The following MSH4 variants were observed in gnomAD, a reference collection of about 807,000 sequenced individuals.
MSH4 encodes mutS homolog 4, also known as mutS protein homolog 4.
In MSH4, 106 loss-of-function variants were observed where a neutral mutation model predicts 113.7. The observed-to-expected ratio is 0.93, with a 90% confidence interval of 0.80 to 1.10. The LOEUF (loss-of-function observed/expected upper bound fraction) is 1.10. MSH4 is among the 50% of genes least tolerant of loss of function. MSH4 has a pLI of 0.00. For missense variants in MSH4, 1,061 were observed against 1,093.7 expected, an observed-to-expected ratio of 0.97 and a Z score of 0.42; for synonymous variants, 368 against 380.2, an observed-to-expected ratio of 0.97 and a Z score of 0.37.
rs746066226 is a variant in MSH4 at position 75,880,100 on chromosome 1, A to G, written c.1728A>G (p.Lys576=). 6.3e-7 allele frequency: 1 copy of G among 1,599,396 alleles called. No individual in the cohort carries two copies. Among genetic ancestry groups the G allele is most frequent in the South Asian group, 1.1e-5 (1 of 87,956 alleles). ...GCTTTACATCAGCAGATTTAATTAA[A>G]ATGAATGAAAGATGCCAAGAATCTT... is the stretch of plus-strand genomic sequence containing the variant. ...SYSFTSADLI[K]MNERCQESLR... is the part of the protein sequence containing the mutation. Residue 576 remains lysine (K), a synonymous_variant, in exon 13 of 20, where the codon AAA becomes AAG. Transcript: ENST00000263187.
At chr1:75,885,057 G>GTATATATATATATATATA (rs1440064046) in intron 15 of MSH4, among the ~76,000 whole-genome samples, 3 of 114,532 alleles carry the variant, frequency 2.6e-5, no homozygotes, top group African/African-American at 1.2e-4. Flanking sequence ...GTGTGTGTGT[G>GTATATATATATATATATA]TGTATATATA....
intron 14 of MSH4, 61 bp downstream of exon 14, chr1:75,881,431 A>T: frequency 6.5e-7 from 1 of 1,529,792 alleles, no homozygotes; most frequent in South Asian, 1.1e-5. Context: ...GATTCAAACA[A>T]TTTGATATAA....
At chr1:75,807,215 A>G (rs1650090395) in intron 3 of MSH4, 74 bp downstream of exon 3, 12 of 1,236,112 alleles carry the variant, frequency 9.7e-6, no homozygotes, top group African/African-American at 3.1e-5. Flanking sequence ...TGCCTTCCCA[A>G]TTTGTTTACT....
intron 9 of MSH4, among the ~76,000 whole-genome samples, chr1:75,875,440 A>T (rs765496714): frequency 6.6e-6 from 1 of 152,216 alleles, no homozygotes; most frequent in Non-Finnish European, 1.5e-5. Flanking sequence ...AGCAGCACAC[A>T]TTCATAACAG....
At chr1:75,832,251 C>T (rs558243598) in intron 7 of MSH4, among the ~76,000 whole-genome samples, 1 of 152,254 alleles carries the variant, frequency 6.6e-6, no homozygotes, top group East Asian at 1.9e-4. Flanking sequence ...AGTTGAATCT[C>T]TGAATAGACC....
intron 8 of MSH4, among the ~76,000 whole-genome samples, chr1:75,861,878 G>T (rs965937977): frequency 1.3e-5 from 2 of 152,142 alleles, no homozygotes; most frequent in Non-Finnish European, 2.9e-5. Context: ...CCCCAGAGGT[G>T]GAATCTAGAG....
intron 7 of MSH4, among the ~76,000 whole-genome samples, chr1:75,829,033 A>G (rs763407046): frequency 6.6e-6 from 1 of 152,172 alleles, no homozygotes; most frequent in Admixed American, 6.5e-5. Context: ...TCCCTTTCCC[A>G]GCAAAGGGAA....
At chr1:75,834,841 G>A (rs1480487103) in intron 7 of MSH4, among the ~76,000 whole-genome samples, 1 of 152,068 alleles carries the variant, frequency 6.6e-6, no homozygotes, top group Non-Finnish European at 1.5e-5. Flanking sequence ...GTTAACGGGT[G>A]CAGCACACCA....
At chr1:75,912,473 A>G (rs1264042473) in intron 19 of MSH4, among the ~76,000 whole-genome samples, 1 of 152,114 alleles carries the variant, frequency 6.6e-6, no homozygotes, top group East Asian at 1.9e-4. Flanking sequence ...TGATAAAGTA[A>G]CAAATACTCA....
intron 11 of MSH4, 128 bp from the exon 12 acceptor site, chr1:75,878,864 A>G: frequency 1.2e-6 from 1 of 816,416 alleles, no homozygotes; most frequent in Non-Finnish European, 1.9e-6. Flanking sequence ...TGAAAGAGCA[A>G]CAAGACCTCC....
At chr1:75,799,554 AAGT>A (rs1649891740) in intron 1 of MSH4, among the ~76,000 whole-genome samples, 1 of 152,228 alleles carries the variant, frequency 6.6e-6, no homozygotes, top group Non-Finnish European at 1.5e-5. Flanking sequence ...CTTCAAGAAT[AAGT>A]AGGAAGAAGA....
intron 14 of MSH4, 52 bp downstream of exon 14, chr1:75,881,422 A>G (rs1438100534): frequency 1.3e-6 from 2 of 1,559,324 alleles, no homozygotes; most frequent in Non-Finnish European, 1.7e-6. Flanking sequence ...TTTGTATTCG[A>G]TTCAAACAAT....
chr1:75,887,792 G>T (rs895348701), intron 15 of MSH4, among the ~76,000 whole-genome samples: 1 of 151,970 alleles, frequency 6.6e-6, no homozygotes, highest in Admixed American at 6.6e-5. Context: ...CTTGGAAATG[G>T]ACAGTTTGTT....
rs1651830961 is a variant in MSH4, at chr1:75,877,015, A to C, written c.1370+15A>C. 1 of 1,484,826 alleles carries C rather than the reference A, an allele frequency of 6.7e-7. No individual in the cohort carries two copies. The highest frequency in any genetic ancestry group is 9.1e-7 in the Non-Finnish European group (1 of 1,101,382). 92.0% of individuals were successfully genotyped at this position (1,484,826 alleles called of 1,614,324 possible). A position where few individuals can be genotyped will look rare whatever the true frequency, so the allele number is the denominator to read the frequency against. ...GAAGACAAGAGGTCTTTGTCACTCA[A>C]CCGTTAATAAAAAATAAGATTATTC... On this transcript the variant is annotated intron_variant, in intron 10 of 19. Coordinates refer to ENST00000263187, the MANE Select transcript of MSH4 (RefSeq NM_002440.4).
At position 75,897,926 on chromosome 1, in the gene MSH4, C is replaced by T. The variant is rs1652419468; in HGVS notation, c.2375C>T (p.Thr792Ile). The T allele has an allele frequency of 1.9e-6, 3 of 1,567,594 alleles. No homozygotes were observed. Among genetic ancestry groups the T allele is most frequent in the Non-Finnish European group, 2.6e-6 (3 of 1,157,982 alleles). Residue 792 changes from threonine to isoleucine, a missense_variant, in exon 18 of 20, where the codon ACA becomes ATA. Physicochemically the swap from Thr to Ile is moderately conservative, Grantham distance 89 (BLOSUM62 -1). Transcript: ENST00000263187. ...TTCCAGGCATTTACACTGTTTGCTA[C>T]ACATTTCCTGGAACTATGCCATATT... Reference protein sequence around the residue: ...LSLKAFTLFATHFLELCHIDA... With the variant: ...LSLKAFTLFAIHFLELCHIDA...
At chr1:75,797,349 TC>T in intron 1 of MSH4, 120 bp downstream of exon 1, 1 of 1,337,004 alleles carries the variant, frequency 7.5e-7, no homozygotes, top group East Asian at 2.5e-5. Flanking sequence ...GGGCGTGAGA[TC>T]TGAGTGCCCT....
At position 75,803,812 on chromosome 1, in the gene MSH4, C is replaced by T; in HGVS notation, c.326C>T (p.Ala109Val). 4.4e-6 allele frequency: 7 copies of T among 1,607,828 alleles called. No individual in the cohort carries two copies. The highest frequency in any genetic ancestry group is 1.1e-5 in the South Asian group (1 of 89,744). The change falls in exon 2 of 20, where the codon GCA (alanine) becomes GTA (valine). Residue 109 changes from alanine to valine, a missense_variant. Transcript: ENST00000263187. ...ACTTTTGGTGCAAGCTCATCTTCTG[C>T]ACGAGATACTAATTATCCTCAAACA... ...NFTFGASSSSARDTNYPQTLK... is the reference protein window; with the variant it reads ...NFTFGASSSSVRDTNYPQTLK...
intron 9 of MSH4, among the ~76,000 whole-genome samples, chr1:75,875,569 G>T (rs753287156): frequency 6.6e-6 from 1 of 152,100 alleles, no homozygotes; most frequent in African/African-American, 2.4e-5. Context: ...AAATGCCTCC[G>T]TATCCTTAGA....
Position 75,797,089 on chromosome 1 carries a change from T to C in MSH4, c.104T>C (p.Leu35Pro). 6.2e-7 allele frequency: 1 copy of C among 1,614,014 alleles called. No homozygotes were observed. Among genetic ancestry groups the C allele is most frequent in the Non-Finnish European group, 8.5e-7 (1 of 1,179,924 alleles). Residue 35 changes from leucine to proline, a missense_variant, in exon 1 of 20, where the codon CTC becomes CCC. Transcript: ENST00000263187. ...CAGGGTCCCCGCTACAATTTCGGACTCCAGGAGACTCCACAGAGCCGCCCT... is the reference window on the plus strand; with the variant it reads ...CAGGGTCCCCGCTACAATTTCGGACCCCAGGAGACTCCACAGAGCCGCCCT... ...SPQGPRYNFG[L>P]QETPQSRPSV...
Sources: gnomAD v4.1 joint callset for allele counts (sites outside exome capture counted in the v4.1 genomes callset) on GRCh38, gnomAD v4.1.1 for gene constraint, MANE v1.5 for transcripts, NCBI Gene and HGNC (gene_info 2026-07-23, HGNC 2026-07-21) for gene names.